The following AGBL4 variants were observed in gnomAD, a reference collection of about 807,000 sequenced individuals.
The protein encoded by AGBL4 is cytosolic carboxypeptidase 6.
In AGBL4, 58 loss-of-function variants were observed where a neutral mutation model predicts 66.4. That is an observed-to-expected ratio of 0.87 (90% confidence interval 0.71 to 1.09). The LOEUF (loss-of-function observed/expected upper bound fraction) is 1.09, where lower values mean the gene tolerates loss of function less well. Among genes scored for constraint, AGBL4 ranks in the 50% least tolerant of loss-of-function variants. The pLI, the probability that AGBL4 is intolerant of heterozygous loss-of-function variation, is 0.00. For synonymous variants in AGBL4, 234 were observed against 222.9 expected (o/e 1.05, Z -0.44); for missense variants, 579 against 631.0 (o/e 0.92, Z 0.88).
At chr1:49,906,604 T>C (rs969283334) in intron 1 of AGBL4, among the ~76,000 whole-genome samples, 1 of 152,086 alleles carries the variant, frequency 6.6e-6, no homozygotes, top group South Asian at 2.1e-4. Flanking sequence ...GTGTAAAGTA[T>C]ATCTCAAATG....
intron 4 of AGBL4, among the ~76,000 whole-genome samples, chr1:49,137,735 C>T (rs557095274): frequency 6.6e-6 from 1 of 152,150 alleles, no homozygotes; most frequent in South Asian, 2.1e-4. Flanking sequence ...AAGAGAATAA[C>T]ACAGAATCTC....
At chr1:48,991,246 G>A (rs1390509860) in intron 5 of AGBL4, among the ~76,000 whole-genome samples, 1 of 152,144 alleles carries the variant, frequency 6.6e-6, no homozygotes. Flanking sequence ...TACTACTATA[G>A]TGTACAATTT....
intron 5 of AGBL4, among the ~76,000 whole-genome samples, chr1:49,005,858 G>A (rs1314638510): frequency 1.3e-5 from 2 of 152,030 alleles, no homozygotes; most frequent in African/African-American, 2.4e-5. Context: ...AAAATTAGCT[G>A]GACATGGTGG....
At chr1:49,130,345 C>T (rs1013194567) in intron 4 of AGBL4, among the ~76,000 whole-genome samples, 74 of 152,024 alleles carry the variant, frequency 4.9e-4, no homozygotes, top group African/African-American at 1.5e-3. Context: ...ATTTTGGCTT[C>T]GGTTGCCATT....
At chr1:49,764,882 C>G (rs1459372555) in intron 2 of AGBL4, among the ~76,000 whole-genome samples, 1 of 152,104 alleles carries the variant, frequency 6.6e-6, no homozygotes, top group Non-Finnish European at 1.5e-5. Flanking sequence ...GGTCCAGAGA[C>G]AGACTAATGC....
intron 3 of AGBL4, among the ~76,000 whole-genome samples, chr1:49,440,723 CT>C (rs1404596902): frequency 2.0e-5 from 3 of 152,144 alleles, no homozygotes; most frequent in Non-Finnish European, 2.9e-5. Flanking sequence ...CAGACACAAG[CT>C]CTTATCACGT....
chr1:50,010,382 T>G (rs1294963324), intron 1 of AGBL4, among the ~76,000 whole-genome samples: 1 of 151,972 alleles, frequency 6.6e-6, no homozygotes, highest in African/African-American at 2.4e-5. Context: ...CAAAGCAATC[T>G]ACAGATTCAT....
intron 6 of AGBL4, among the ~76,000 whole-genome samples, chr1:48,699,036 A>G (rs1447107377): frequency 1.3e-5 from 2 of 152,194 alleles, no homozygotes; most frequent in Non-Finnish European, 2.9e-5. Flanking sequence ...CTGCATCTCT[A>G]CATCCAAAGA....
chr1:49,041,102 C>A (rs1643929940), intron 5 of AGBL4, among the ~76,000 whole-genome samples: 1 of 151,924 alleles, frequency 6.6e-6, no homozygotes, highest in Admixed American at 6.6e-5. Context: ...ATAATTAGTA[C>A]CAGTAACAAC....
At chr1:49,288,793 GC>G (rs1644478249) in intron 3 of AGBL4, among the ~76,000 whole-genome samples, 1 of 152,114 alleles carries the variant, frequency 6.6e-6, no homozygotes, top group Admixed American at 6.5e-5. Flanking sequence ...TGGAGTAAGG[GC>G]AAGCCAAACA....
intron 11 of AGBL4, among the ~76,000 whole-genome samples, chr1:48,555,239 T>G (rs970586984): frequency 6.6e-6 from 1 of 152,060 alleles, no homozygotes; most frequent in Non-Finnish European, 1.5e-5. Context: ...TAGTCAACAA[T>G]TAATTGAGAA....
chr1:48,792,115 C>T (rs1557998099), intron 6 of AGBL4, among the ~76,000 whole-genome samples: 2 of 152,134 alleles, frequency 1.3e-5, no homozygotes, highest in Non-Finnish European at 2.9e-5. Context: ...TTCAACATGA[C>T]TTGTGTCTTA....
chr1:48,826,223 A>G (rs753430003), intron 6 of AGBL4, among the ~76,000 whole-genome samples: 5 of 152,182 alleles, frequency 3.3e-5, no homozygotes, highest in African/African-American at 7.2e-5. Context: ...CTCAGCTACT[A>G]TCACATGCTT....
chr1:48,603,443 C>G (rs1044925030), intron 9 of AGBL4, among the ~76,000 whole-genome samples: 5 of 152,160 alleles, frequency 3.3e-5, no homozygotes, highest in Non-Finnish European at 5.9e-5. Context: ...GCACTCCAGC[C>G]TCGCAACAGA....
chr1:48,898,986 G>A (rs955236759), intron 5 of AGBL4, among the ~76,000 whole-genome samples: 2 of 152,156 alleles, frequency 1.3e-5, no homozygotes, highest in Non-Finnish European at 2.9e-5. Flanking sequence ...GTCTCTCCCC[G>A]ACCCCAGAGT....
chr1:48,758,258 T>G (rs1230743385), intron 6 of AGBL4, among the ~76,000 whole-genome samples: 1 of 152,200 alleles, frequency 6.6e-6, no homozygotes, highest in Non-Finnish European at 1.5e-5. Flanking sequence ...CATCCCAGGC[T>G]GGTAAAGTTT....
intron 1 of AGBL4, among the ~76,000 whole-genome samples, chr1:49,982,595 G>C (rs1659147272): frequency 6.6e-6 from 1 of 152,226 alleles, no homozygotes; most frequent in Non-Finnish European, 1.5e-5. Context: ...CCTTCAAGCT[G>C]GGGAGGGCCT....
chr1:49,909,337 G>C (rs551885253), intron 1 of AGBL4, among the ~76,000 whole-genome samples: 2 of 152,260 alleles, frequency 1.3e-5, no homozygotes, highest in African/African-American at 4.8e-5. Context: ...AAAGGAGATA[G>C]AGGGTTAGAA....
At chr1:48,871,877 A>T (rs1648714379) in intron 5 of AGBL4, among the ~76,000 whole-genome samples, 1 of 152,118 alleles carries the variant, frequency 6.6e-6, no homozygotes, top group Non-Finnish European at 1.5e-5. Context: ...CTCTAGTCAC[A>T]GTGGACTTCT....
Sources: allele counts gnomAD v4.1 joint callset (sites outside exome capture counted in the v4.1 genomes callset), GRCh38; gene constraint gnomAD v4.1.1; transcripts MANE v1.5; gene names NCBI Gene and HGNC (gene_info 2026-07-23, HGNC 2026-07-21).